The following DPF3 variants were observed in gnomAD, a reference collection of about 807,000 sequenced individuals.
The protein encoded by DPF3 is zinc finger protein DPF3.
Under a neutral mutation model 56.8 loss-of-function variants are expected in DPF3, and 18 were observed. The ratio of observed to expected loss-of-function variants is 0.32; its 90% CI spans 0.22 to 0.47. DPF3 has a LOEUF of 0.47. Among genes scored for constraint, DPF3 ranks in the 20% least tolerant of loss-of-function variants. The probability of loss-of-function intolerance (pLI) is 1.00; values close to 1 mark genes in which losing one functional copy is unlikely to be tolerated. For synonymous variants in DPF3, 188 were observed against 180.2 expected (o/e 1.04, Z -0.35); for missense variants, 403 against 488.8 (o/e 0.82, Z 1.65).
chr14:72,739,510 T>C (rs1890042294), intron 3 of DPF3, among the ~76,000 whole-genome samples: 2 of 152,178 alleles, frequency 1.3e-5, no homozygotes, highest in African/African-American at 4.8e-5. Flanking sequence ...CTCCTTGTGC[T>C]TTTCAGCAAA....
intron 1 of DPF3, among the ~76,000 whole-genome samples, chr14:72,826,378 C>T (rs914159452): frequency 1.3e-5 from 2 of 152,136 alleles, no homozygotes; most frequent in Admixed American, 6.6e-5. Context: ...GCCTACTCTC[C>T]GCTCCTCCTT....
intron 8 of DPF3, chr14:72,670,301 G>A (rs559155740): frequency 4.1e-6 from 4 of 985,998 alleles, no homozygotes; most frequent in South Asian, 9.4e-5. Flanking sequence ...TTTGGAAGTC[G>A]TTCTTTGCCA....
At chr14:72,729,234 C>A (rs553385170) in intron 4 of DPF3, among the ~76,000 whole-genome samples, 1 of 151,916 alleles carries the variant, frequency 6.6e-6, no homozygotes, top group Non-Finnish European at 1.5e-5. Flanking sequence ...GGCGACACAG[C>A]GAGACTCTGT....
At chr14:72,755,375 T>G (rs1016743531) in intron 2 of DPF3, among the ~76,000 whole-genome samples, 1 of 152,168 alleles carries the variant, frequency 6.6e-6, no homozygotes, top group Non-Finnish European at 1.5e-5. Context: ...GAATTCATTT[T>G]AGCAACTAGT....
At chr14:72,885,397 T>G (rs1886506506) in intron 1 of DPF3, among the ~76,000 whole-genome samples, 1 of 151,462 alleles carries the variant, frequency 6.6e-6, no homozygotes. Flanking sequence ...TTTGTTTGTT[T>G]GTTTGTTTGT....
chr14:72,675,315 T>A (rs1254538828), intron 7 of DPF3: 1 of 152,166 alleles, frequency 6.6e-6, no homozygotes, highest in African/African-American at 2.4e-5. Context: ...GAGAAATACT[T>A]CCCTTTTTCT....
rs765247 is a variant in DPF3 at position 72,725,026 on chromosome 14, T to A, written c.430-1298A>T. Among the ~76,000 whole-genome samples the A allele has an allele frequency of 8.6e-5, 13 of 152,014 alleles. No homozygotes were observed. The South Asian group carries it at 2.5e-3, about 29-fold the overall frequency. On this transcript the variant is annotated intron_variant, in intron 4 of 10. Transcript: ENST00000556509. Reference sequence around the variant, plus strand: ...GCTACCACACCTGGCCACCTGGGGGTTTCTTTATGGGCTCACTGTGTGATC... The same window carrying A: ...GCTACCACACCTGGCCACCTGGGGGATTCTTTATGGGCTCACTGTGTGATC...
chr14:72,646,704 C>A (rs568054240), intron 8 of DPF3, among the ~76,000 whole-genome samples: 5 of 152,180 alleles, frequency 3.3e-5, no homozygotes, highest in African/African-American at 1.2e-4. Context: ...TGCCTCCATG[C>A]GGAATTTTTC....
chr14:72,871,565 C>T (rs1356083234), intron 1 of DPF3, among the ~76,000 whole-genome samples: 2 of 152,254 alleles, frequency 1.3e-5, no homozygotes, highest in Non-Finnish European at 2.9e-5. Flanking sequence ...CTCCAGGTCT[C>T]ACATCCAGGT....
At position 72,787,574 on chromosome 14, in the gene DPF3, T is replaced by A. The variant is rs10130704; in HGVS notation, c.33-15681A>T. Among the ~76,000 whole-genome samples the A allele has an allele frequency of 6.5e-3, 990 of 152,278 alleles. 14 individuals carry two copies. Among genetic ancestry groups the A allele is most frequent in the African/African-American group, 0.023 (945 of 41,554 alleles). On this transcript the variant is annotated intron_variant, in intron 1 of 10. Transcript: ENST00000556509. ...TACTAGTGTCACTCAGGCAGAGAAC[T>A]TTGAGAAATAGGACCTGGCTTTCAT...
intron 5 of DPF3, among the ~76,000 whole-genome samples, chr14:72,718,410 C>A (rs1889020372): frequency 2.0e-5 from 3 of 152,156 alleles, no homozygotes; most frequent in Admixed American, 2.0e-4. Flanking sequence ...TTCAGGGACT[C>A]TGCAGTGTCT....
rs77181304 is a variant in DPF3, at chr14:72,718,706, G to A, written c.526-4205C>T. ...TTATAACCTGAATAACAGCCTTTGG[G>A]GGCTCTCAGTGTAAGGAATTCCTGA... On this transcript the variant is annotated intron_variant, in intron 5 of 10. Coordinates refer to ENST00000556509, the MANE Select transcript of DPF3 (RefSeq NM_001280542.3). 4.0e-5 allele frequency among the ~76,000 whole-genome samples: 6 copies of A among 151,164 alleles called. No individual in the cohort carries two copies. The East Asian group carries it at 1.2e-3, about 29-fold the overall frequency.
chr14:72,771,487 T>TACCCA (rs1891528826), intron 2 of DPF3, among the ~76,000 whole-genome samples: 2 of 151,450 alleles, frequency 1.3e-5, no homozygotes, highest in African/African-American at 2.4e-5. Context: ...GCTCTTTCAC[T>TACCCA]CCCCACCCCA....
At chr14:72,816,555 C>T (rs1464746786) in intron 1 of DPF3, among the ~76,000 whole-genome samples, 2 of 152,010 alleles carry the variant, frequency 1.3e-5, no homozygotes, top group African/African-American at 2.4e-5. Flanking sequence ...AAACCCCCCA[C>T]CTAGCTGAGC....
intron 3 of DPF3, among the ~76,000 whole-genome samples, chr14:72,752,555 C>A (rs895113907): frequency 2.0e-5 from 3 of 152,134 alleles, no homozygotes; most frequent in African/African-American, 7.2e-5. Flanking sequence ...CCCAGCTACT[C>A]GGGAAGCTGA....
At chr14:72,879,421 G>C (rs1051190182) in intron 1 of DPF3, among the ~76,000 whole-genome samples, 2 of 151,662 alleles carry the variant, frequency 1.3e-5, no homozygotes, top group African/African-American at 4.8e-5. Context: ...TGTGGCTACT[G>C]TCCCTGCCTT....
rs908377601 is a variant in DPF3, at chr14:72,729,027, C to T, written c.429+2780G>A. 2.0e-5 allele frequency among the ~76,000 whole-genome samples: 3 copies of T among 152,020 alleles called. No homozygotes were observed. The South Asian group carries it at 6.2e-4, about 32-fold the overall frequency. ...CTTTGGGAGGCCGAAGTGGGTAGAT[C>T]ACCTGCAGTCAGGAGTTCGAGACCA... On this transcript the variant is annotated intron_variant, in intron 4 of 10. Transcript: ENST00000556509.
chr14:72,838,555 A>G (rs971528695), intron 1 of DPF3, among the ~76,000 whole-genome samples: 1 of 151,796 alleles, frequency 6.6e-6, no homozygotes, highest in Non-Finnish European at 1.5e-5. Flanking sequence ...CAGACTTATT[A>G]CATAAAAATG....
At chr14:72,836,583 C>T in intron 1 of DPF3, 1 of 948,446 alleles carries the variant, frequency 1.1e-6, no homozygotes, top group South Asian at 4.9e-5. Flanking sequence ...ATCAGTCTAT[C>T]TGGATGAATT....
Sources: gnomAD v4.1 joint callset for allele counts (sites outside exome capture counted in the v4.1 genomes callset) on GRCh38, gnomAD v4.1.1 for gene constraint, MANE v1.5 for transcripts, NCBI Gene and HGNC (gene_info 2026-07-23, HGNC 2026-07-21) for gene names.